NTM: variants seen among roughly 807,000 people sequenced by gnomAD.
NTM encodes IgLON family member 2.
A neutral mutation model predicts 42.1 loss-of-function variants in NTM; 13 were observed. The ratio of observed to expected loss-of-function variants is 0.31; its 90% CI spans 0.20 to 0.49. NTM has a LOEUF of 0.49. Among genes scored for constraint, NTM ranks in the 20% least tolerant of loss-of-function variants. The pLI, the probability that NTM is intolerant of heterozygous loss-of-function variation, is 0.99. For missense variants in NTM, 373 were observed against 452.8 expected, an observed-to-expected ratio of 0.82 and a Z score of 1.60; for synonymous variants, 187 against 179.2, an observed-to-expected ratio of 1.04 and a Z score of -0.35.
At chr11:131,615,711 G>C (rs533292018) in intron 1 of NTM, among the ~76,000 whole-genome samples, 3 of 152,166 alleles carry the variant, frequency 2.0e-5, no homozygotes, top group Non-Finnish European at 4.4e-5. Flanking sequence ...TTGTGTTATG[G>C]GATGTTCAGG....
intron 2 of NTM, among the ~76,000 whole-genome samples, chr11:132,111,285 A>G (rs2063164585): frequency 6.6e-6 from 1 of 151,308 alleles, no homozygotes; most frequent in Admixed American, 6.6e-5. Context: ...ATATATAAAT[A>G]TATGTATTTT....
intron 1 of NTM, among the ~76,000 whole-genome samples, chr11:131,394,179 G>A (rs551676558): frequency 1.3e-5 from 2 of 152,262 alleles, no homozygotes; most frequent in Admixed American, 6.5e-5. Context: ...ATACAACATC[G>A]TCCAGAAGTG....
intron 2 of NTM, among the ~76,000 whole-genome samples, chr11:132,120,699 G>A (rs2064655663): frequency 6.6e-6 from 1 of 152,200 alleles, no homozygotes; most frequent in South Asian, 2.1e-4. Context: ...GCAAGGATTA[G>A]TAGGCGTTAA....
intron 2 of NTM, among the ~76,000 whole-genome samples, chr11:132,063,150 G>A (rs535042191): frequency 4.3e-4 from 65 of 152,250 alleles, no homozygotes; most frequent in African/African-American, 1.5e-3. Flanking sequence ...TCCTCATGTG[G>A]TAGAAGGGGC....
chr11:132,314,852 A>T, intron 7 of NTM, 149 bp downstream of exon 7: 1 of 1,390,832 alleles, frequency 7.2e-7, no homozygotes, highest in Non-Finnish European at 9.3e-7. Context: ...AGACACAGAA[A>T]GAAATGGAGA....
At chr11:132,219,848 C>A (rs1424869143) in intron 4 of NTM, among the ~76,000 whole-genome samples, 3 of 152,024 alleles carry the variant, frequency 2.0e-5, no homozygotes, top group Non-Finnish European at 4.4e-5. Context: ...GAGAAAAGAA[C>A]GGAAGGGAAG....
chr11:131,776,607 C>T (rs983256553), intron 1 of NTM, among the ~76,000 whole-genome samples: 1 of 151,992 alleles, frequency 6.6e-6, no homozygotes, highest in East Asian at 1.9e-4. Context: ...TCAGCATCTA[C>T]TTCAAGGCTT....
chr11:131,770,639 T>C (rs1229127929), intron 1 of NTM, among the ~76,000 whole-genome samples: 1 of 152,164 alleles, frequency 6.6e-6, no homozygotes, highest in Admixed American at 6.5e-5. Context: ...AGATGATAGC[T>C]CCCACGTGCA....
At chr11:131,892,692 G>T (rs1360005720) in intron 1 of NTM, among the ~76,000 whole-genome samples, 3 of 152,230 alleles carry the variant, frequency 2.0e-5, no homozygotes, top group Admixed American at 1.3e-4. Context: ...AGCTCATCAG[G>T]TTCTCCTGTC....
chr11:132,143,208 C>CA (rs1203281290), intron 2 of NTM, among the ~76,000 whole-genome samples: 1 of 152,154 alleles, frequency 6.6e-6, no homozygotes, highest in Non-Finnish European at 1.5e-5. Flanking sequence ...TGCCAGGAAA[C>CA]ACACGTCTAG....
chr11:132,084,460 G>T (rs2059456477), intron 2 of NTM, among the ~76,000 whole-genome samples: 1 of 152,130 alleles, frequency 6.6e-6, no homozygotes, highest in Non-Finnish European at 1.5e-5. Flanking sequence ...AAACATGTCA[G>T]ATAATCCTGT....
At chr11:132,152,919 T>C (rs761881300) in intron 3 of NTM, among the ~76,000 whole-genome samples, 1 of 152,192 alleles carries the variant, frequency 6.6e-6, no homozygotes, top group African/African-American at 2.4e-5. Flanking sequence ...TCTACAGAGT[T>C]TGGAAAACTT....
At chr11:131,752,683 T>C (rs939211666) in intron 1 of NTM, among the ~76,000 whole-genome samples, 1 of 152,082 alleles carries the variant, frequency 6.6e-6, no homozygotes, top group African/African-American at 2.4e-5. Context: ...ATGTGGCACA[T>C]ACATATGTAG....
At chr11:131,927,866 C>A (rs1166903467) in intron 2 of NTM, among the ~76,000 whole-genome samples, 1 of 152,090 alleles carries the variant, frequency 6.6e-6, no homozygotes. Context: ...TGGCTAGATA[C>A]AGTATATACA....
intron 4 of NTM, among the ~76,000 whole-genome samples, chr11:132,226,148 T>C (rs2086222646): frequency 6.6e-6 from 1 of 152,242 alleles, no homozygotes; most frequent in Non-Finnish European, 1.5e-5. Flanking sequence ...TCTTTGCTAT[T>C]GTGAACAGTT....
intron 1 of NTM, among the ~76,000 whole-genome samples, chr11:131,381,875 C>A (rs546889721): frequency 6.6e-6 from 1 of 152,254 alleles, no homozygotes; most frequent in East Asian, 1.9e-4. Flanking sequence ...CAGAATAGGG[C>A]AAGTTCATCT....
chr11:132,316,819 C>A (rs1293306553), intron 7 of NTM, among the ~76,000 whole-genome samples: 1 of 152,138 alleles, frequency 6.6e-6, no homozygotes, highest in Non-Finnish European at 1.5e-5. Flanking sequence ...TATTGAGGCT[C>A]ACCATCAATG....
intron 2 of NTM, among the ~76,000 whole-genome samples, chr11:132,048,369 C>T (rs775768950): frequency 2.0e-5 from 3 of 152,184 alleles, no homozygotes; most frequent in Non-Finnish European, 4.4e-5. Context: ...ACGATCAATA[C>T]ATTTCTGGTC....
intron 2 of NTM, among the ~76,000 whole-genome samples, chr11:131,927,296 C>T (rs1381631456): frequency 2.1e-4 from 32 of 152,130 alleles, no homozygotes; most frequent in Non-Finnish European, 1.2e-4. Flanking sequence ...CTGGGGTTGC[C>T]TTTGTTATTT....
Sources: allele counts gnomAD v4.1 joint callset (sites outside exome capture counted in the v4.1 genomes callset), GRCh38; gene constraint gnomAD v4.1.1; transcripts MANE v1.5; gene names NCBI Gene and HGNC (gene_info 2026-07-23, HGNC 2026-07-21).